The following OXCT1 variants were observed in gnomAD, a reference collection of about 807,000 sequenced individuals.
OXCT1 encodes 3-oxoacid CoA-transferase 1.
OXCT1 carries 27 observed loss-of-function variants against 69.6 expected under a neutral mutation model. That is an observed-to-expected ratio of 0.39 (90% CI 0.29 to 0.54). OXCT1 has a LOEUF of 0.54. Ranked by LOEUF, OXCT1 falls within the 20% of genes least tolerant of loss-of-function variation. The probability of loss-of-function intolerance (pLI) is 0.72; values close to 1 mark genes in which losing one functional copy is unlikely to be tolerated. For missense variants in OXCT1, 437 were observed against 650.2 expected, an observed-to-expected ratio of 0.67 and a Z score of 3.57; for synonymous variants, 202 against 217.8, an observed-to-expected ratio of 0.93 and a Z score of 0.64.
intron 15 of OXCT1, among the ~76,000 whole-genome samples, chr5:41,746,650 C>G (rs1440902385): frequency 6.6e-6 from 1 of 152,040 alleles, no homozygotes; most frequent in Admixed American, 6.6e-5. Context: ...GTTAATGACA[C>G]CCGCAAGTTT....
At position 41,870,413 on chromosome 5, in the gene OXCT1, G is replaced by A. The variant is rs1750245035; in HGVS notation, c.-55C>T. The A allele has an allele frequency of 1.5e-6, 2 of 1,360,226 alleles. No homozygotes were observed. Among genetic ancestry groups the A allele is most frequent in the Non-Finnish European group, 2.1e-6 (2 of 959,358 alleles). 84.3% of individuals were successfully genotyped at this position (1,360,226 alleles called of 1,614,324 possible). A position where few individuals can be genotyped will look rare whatever the true frequency, so the allele number is the denominator to read the frequency against. Reference sequence around the variant, plus strand: ...GGGTTGGAGCGCGCGTTTGAGCGTCGGTGCGCGACTGCGAAGGAAACCCGG... The same window carrying A: ...GGGTTGGAGCGCGCGTTTGAGCGTCAGTGCGCGACTGCGAAGGAAACCCGG... On this transcript the variant is annotated 5_prime_UTR_variant, in exon 1 of 17. Transcript: ENST00000196371. The surrounding 1 kb of genome is among the most constrained non-coding windows in gnomAD (Gnocchi z 4.2).
chr5:41,848,744 A>C (rs1749044371), intron 5 of OXCT1, among the ~76,000 whole-genome samples: 1 of 152,012 alleles, frequency 6.6e-6, no homozygotes, highest in Non-Finnish European at 1.5e-5. Flanking sequence ...TACAAAGCTG[A>C]AACTGGATCC....
intron 7 of OXCT1, among the ~76,000 whole-genome samples, chr5:41,809,698 G>A (rs551103822): frequency 2.6e-5 from 4 of 152,018 alleles, no homozygotes; most frequent in South Asian, 2.1e-4. Context: ...ATGGAAACCC[G>A]CCACTATTTT....
intron 4 of OXCT1, 50 bp from the exon 5 acceptor site, chr5:41,850,229 A>G: frequency 6.2e-7 from 1 of 1,604,280 alleles, no homozygotes; most frequent in African/African-American, 1.3e-5. Flanking sequence ...ACACTTCTCT[A>G]TGTGGACACA....
intron 11 of OXCT1, among the ~76,000 whole-genome samples, chr5:41,799,291 A>C (rs548812350): frequency 6.6e-6 from 1 of 152,202 alleles, no homozygotes; most frequent in Non-Finnish European, 1.5e-5. Flanking sequence ...TCTCCAGCTT[A>C]AAGTATTTCC....
intron 7 of OXCT1, among the ~76,000 whole-genome samples, chr5:41,819,391 G>T (rs1207708887): frequency 6.6e-6 from 1 of 151,654 alleles, no homozygotes; most frequent in Non-Finnish European, 1.5e-5. Flanking sequence ...GGGGGCAGGG[G>T]GATGGAGTTT....
intron 15 of OXCT1, among the ~76,000 whole-genome samples, chr5:41,740,472 A>G (rs982970262): frequency 2.0e-5 from 3 of 152,228 alleles, no homozygotes; most frequent in Non-Finnish European, 4.4e-5. Flanking sequence ...TACCTGAAAC[A>G]TTCCATCATT....
At chr5:41,773,615 A>G (rs1396056868) in intron 13 of OXCT1, among the ~76,000 whole-genome samples, 1 of 42,616 alleles carries the variant, frequency 2.3e-5, no homozygotes, top group African/African-American at 8.4e-5. Context: ...CAACCCGCCC[A>G]CCCCCACCCC....
intron 7 of OXCT1, among the ~76,000 whole-genome samples, chr5:41,822,822 C>T (rs991057579): frequency 4.6e-5 from 7 of 152,118 alleles, no homozygotes; most frequent in African/African-American, 1.7e-4. Flanking sequence ...CATCTCTTTA[C>T]TTGTAATTTG....
chr5:41,824,405 C>T (rs1031736033), intron 7 of OXCT1, among the ~76,000 whole-genome samples: 3 of 152,158 alleles, frequency 2.0e-5, no homozygotes, highest in East Asian at 1.9e-4. Context: ...TAAAGCACAT[C>T]TTAGCTGTAT....
intron 11 of OXCT1, among the ~76,000 whole-genome samples, chr5:41,795,055 C>T (rs1311383710): frequency 6.6e-6 from 1 of 152,162 alleles, no homozygotes; most frequent in East Asian, 1.9e-4. Context: ...TTATGGAAGA[C>T]AATTTTTCCA....
chr5:41,841,077 C>G (rs1339730223), intron 6 of OXCT1, among the ~76,000 whole-genome samples: 2 of 152,114 alleles, frequency 1.3e-5, no homozygotes, highest in Non-Finnish European at 2.9e-5. Flanking sequence ...AAGTATAACA[C>G]CCACATCAGA....
At chr5:41,794,624 G>T in intron 12 of OXCT1, 53 bp downstream of exon 12, 1 of 1,501,092 alleles carries the variant, frequency 6.7e-7, no homozygotes, top group Non-Finnish European at 9.3e-7. Context: ...CTCAGACGAT[G>T]ACTCAGCTCA....
At chr5:41,866,022 A>ACCCCCCCCCCCCC (rs61504704) in intron 1 of OXCT1, among the ~76,000 whole-genome samples, 1 of 116,288 alleles carries the variant, frequency 8.6e-6, no homozygotes, top group Non-Finnish European at 1.9e-5. Context: ...TGTACAGTAG[A>ACCCCCCCCCCCCC]CCCCCCCCCC....
intron 16 of OXCT1, among the ~76,000 whole-genome samples, chr5:41,736,165 A>G (rs1046678163): frequency 6.6e-6 from 1 of 152,214 alleles, no homozygotes; most frequent in African/African-American, 2.4e-5. Flanking sequence ...TCTACATTTT[A>G]AGGGAGAGTA....
At chr5:41,834,401 T>C (rs1357750851) in intron 7 of OXCT1, among the ~76,000 whole-genome samples, 2 of 142,702 alleles carry the variant, frequency 1.4e-5, no homozygotes, top group Non-Finnish European at 3.0e-5. Flanking sequence ...GTCTGTTGTC[T>C]ACAAGAGACA....
chr5:41,849,117 A>T (rs532684608), intron 5 of OXCT1, among the ~76,000 whole-genome samples: 2 of 152,326 alleles, frequency 1.3e-5, no homozygotes, highest in African/African-American at 4.8e-5. Context: ...CAACAGAAAG[A>T]TGTCTCCAGA....
At position 41,744,239 on chromosome 5, in the gene OXCT1, G is replaced by A. The variant is rs1461853745; in HGVS notation, c.1420-4748C>T. 1.9e-4 allele frequency among the ~76,000 whole-genome samples: 29 copies of A among 152,226 alleles called. No individual in the cohort carries two copies. In the East Asian group the frequency reaches 5.4e-3, roughly 28 times the overall value. ...TATTCTCTTTGAAGCAATTGTGAAT[G>A]GGAGTTCACTCATGATTTGGCTCTC... is the stretch of plus-strand genomic sequence containing the variant. On this transcript the variant is annotated intron_variant, in intron 15 of 16. Coordinates refer to ENST00000196371, the MANE Select transcript of OXCT1 (RefSeq NM_000436.4).
Position 41,753,127 on chromosome 5 carries a change from C to G in OXCT1, c.1339-3520G>C, listed in dbSNP as rs954546166. The stretch of plus-strand genomic sequence containing the variant: ...TATTGCAATGAACTTAATCCCAAAT[C>G]CAAATAAGCTCTTTATCACAACAGA... On this transcript the variant is annotated intron_variant, in intron 14 of 16. Transcript: ENST00000196371. 2.0e-5 allele frequency among the ~76,000 whole-genome samples: 3 copies of G among 152,080 alleles called. No individual in the cohort carries two copies. In the South Asian group the frequency reaches 6.2e-4, roughly 32 times the overall value.
Sources: gnomAD v4.1 joint callset for allele counts (sites outside exome capture counted in the v4.1 genomes callset) on GRCh38, gnomAD v4.1.1 for gene constraint, Gnocchi (gnomAD v3.1) non-coding constraint, MANE v1.5 for transcripts, NCBI Gene and HGNC (gene_info 2026-07-23, HGNC 2026-07-21) for gene names.